Variants in LPIN1 observed in about 807,000 individuals in gnomAD.
The protein encoded by LPIN1 is lipin 1.
A neutral mutation model predicts 107.5 loss-of-function variants in LPIN1; 71 were observed. The ratio of observed to expected loss-of-function variants is 0.66; its 90% confidence interval spans 0.55 to 0.80. The LOEUF is 0.80. Ranked by LOEUF, LPIN1 falls within the 30% of genes least tolerant of loss-of-function variation. The pLI, the probability that LPIN1 is intolerant of heterozygous loss-of-function variation, is 0.00. For synonymous variants in LPIN1, 445 were observed against 452.6 expected (o/e 0.98, Z 0.21); for missense variants, 1,043 against 1,160.6 (o/e 0.90, Z 1.47).
chr2:11,804,964 G>A, intron 16 of LPIN1, 106 bp from the exon 17 acceptor site: 2 of 765,262 alleles, frequency 2.6e-6, no homozygotes, highest in Non-Finnish European at 2.2e-6. Flanking sequence ...CAGAAAGAAA[G>A]TTGTGGGTCT....
At chr2:11,794,671 G>C (rs1676358476) in intron 13 of LPIN1, among the ~76,000 whole-genome samples, 1 of 152,076 alleles carries the variant, frequency 6.6e-6, no homozygotes, top group African/African-American at 2.4e-5. Context: ...TTCACCCTCG[G>C]TCCCTTGGCA....
At chr2:11,806,049 C>T (rs1050777965) in intron 17 of LPIN1, among the ~76,000 whole-genome samples, 2 of 152,214 alleles carry the variant, frequency 1.3e-5, no homozygotes, top group African/African-American at 2.4e-5. Flanking sequence ...TGGAAGGTGC[C>T]TCTGCCTGAA....
Position 11,707,515 on chromosome 2 carries a change from T to TAAC in LPIN1, c.82-6239_82-6237dup, listed in dbSNP as rs1663184019. Reference sequence around the variant, plus strand: ...TTTTGAGCTGAGGAGTGGTGTGATCTAACATTCCAGAAGGTTCCTGTGGCT... The same window carrying TAAC: ...TTTTGAGCTGAGGAGTGGTGTGATCTAACAACATTCCAGAAGGTTCCTGTGGCT... On this transcript the variant is annotated intron_variant, in intron 1 of 21. Transcript: ENST00000449576. This position sits in a 1 kb window ranked among gnomAD's most constrained non-coding sequence, Gnocchi z 4.2. Among the ~76,000 whole-genome samples the TAAC allele has an allele frequency of 6.6e-6, 1 of 152,184 alleles. No homozygotes were observed. The highest frequency in any genetic ancestry group is 2.4e-5 in the African/African-American group (1 of 41,440).
intron 1 of LPIN1, among the ~76,000 whole-genome samples, chr2:11,738,683 G>T (rs566437226): frequency 4.2e-4 from 64 of 152,318 alleles, no homozygotes; most frequent in African/African-American, 1.5e-3. Context: ...CCAGGAGAGG[G>T]AGCCCAAACA....
At chr2:11,790,049 A>G (rs1454519938) in intron 12 of LPIN1, among the ~76,000 whole-genome samples, 1 of 151,974 alleles carries the variant, frequency 6.6e-6, no homozygotes, top group Non-Finnish European at 1.5e-5. Context: ...TAGGCCCTAT[A>G]TTTTCTTTTT....
intron 1 of LPIN1, among the ~76,000 whole-genome samples, chr2:11,680,692 G>C (rs1485599535): frequency 6.6e-6 from 1 of 152,232 alleles, no homozygotes; most frequent in Non-Finnish European, 1.5e-5. Context: ...AATGAGTACA[G>C]TGTGTTCCCC....
intron 2 of LPIN1, among the ~76,000 whole-genome samples, chr2:11,717,262 A>G (rs1253452276): frequency 6.6e-6 from 1 of 152,162 alleles, no homozygotes; most frequent in Non-Finnish European, 1.5e-5. Flanking sequence ...TTCACACCTG[A>G]TAGAGGAGGG....
At chr2:11,757,095 A>G (rs1668796257) in intron 1 of LPIN1, among the ~76,000 whole-genome samples, 1 of 152,178 alleles carries the variant, frequency 6.6e-6, no homozygotes, top group Non-Finnish European at 1.5e-5. Context: ...GGTAAATAAA[A>G]TCCCGTGAGG....
intron 13 of LPIN1, chr2:11,792,263 T>C (rs1031749039): frequency 2.0e-5 from 8 of 400,342 alleles, no homozygotes; most frequent in African/African-American, 1.6e-4. Flanking sequence ...CACTCCCTCA[T>C]GGTAAGATTT....
At chr2:11,706,270 A>G (rs1423392620) in intron 1 of LPIN1, among the ~76,000 whole-genome samples, 1 of 152,232 alleles carries the variant, frequency 6.6e-6, no homozygotes, top group Non-Finnish European at 1.5e-5. Context: ...AGGCGAGTGA[A>G]CTGCAGGGTG....
intron 1 of LPIN1, among the ~76,000 whole-genome samples, chr2:11,762,204 C>G (rs1369563949): frequency 6.6e-6 from 1 of 152,096 alleles, no homozygotes; most frequent in Non-Finnish European, 1.5e-5. Flanking sequence ...TCCGGAGTAG[C>G]CAGATGGAAG....
At position 11,785,076 on chromosome 2, in the gene LPIN1, G is replaced by C; in HGVS notation, c.1549G>C (p.Asp517His). 6.4e-7 allele frequency: 1 copy of C among 1,560,192 alleles called. No homozygotes were observed. The highest frequency in any genetic ancestry group is 8.6e-7 in the Non-Finnish European group (1 of 1,156,270). The change falls in exon 10 of 21, where the codon GAT becomes CAT. Residue 517 changes from aspartate to histidine, a missense_variant and splice_region_variant. Coordinates refer to ENST00000674199, the MANE Select transcript of LPIN1 (RefSeq NM_001349206.2). ...CAGCGACCACCGGGAGATCACGAAA[G>C]GTACCGCGGGCCTCGCGCGGGCGCC... is the stretch of plus-strand genomic sequence containing the variant. ...GLSDHREITK[D>H]AFLEQAVSYQ...
At chr2:11,787,931 A>G (rs1019616268) in intron 11 of LPIN1, among the ~76,000 whole-genome samples, 7 of 145,426 alleles carry the variant, frequency 4.8e-5, no homozygotes, top group African/African-American at 1.9e-4. Flanking sequence ...AAAGAGCAAG[A>G]CTCTGTCTCA....
intron 5 of LPIN1, among the ~76,000 whole-genome samples, chr2:11,775,453 A>G (rs1342863165): frequency 6.6e-6 from 1 of 152,258 alleles, no homozygotes; most frequent in Non-Finnish European, 1.5e-5. Flanking sequence ...TGCCTCATGA[A>G]TGCAGCATAA....
At chr2:11,785,198 C>G in intron 10 of LPIN1, 122 bp downstream of exon 10, 4 of 719,542 alleles carry the variant, frequency 5.6e-6, no homozygotes, top group Non-Finnish European at 4.5e-6. Context: ...AATGATAGCA[C>G]AGATGATAGC....
At chr2:11,823,469 T>C (rs1429709685) in intron 20 of LPIN1, among the ~76,000 whole-genome samples, 1 of 152,274 alleles carries the variant, frequency 6.6e-6, no homozygotes, top group Non-Finnish European at 1.5e-5. Flanking sequence ...TCCCATTTTG[T>C]GCAAGCACAC....
chr2:11,695,495 C>A (rs947696995), intron 1 of LPIN1, among the ~76,000 whole-genome samples: 2 of 152,104 alleles, frequency 1.3e-5, no homozygotes, highest in Non-Finnish European at 1.5e-5. Context: ...CTCAGCATGG[C>A]TGGAATGGAG....
At chr2:11,743,183 C>T (rs1292688668), upstream of LPIN1, among the ~76,000 whole-genome samples, 1 of 152,212 alleles carries the variant, frequency 6.6e-6, no homozygotes, top group Non-Finnish European at 1.5e-5. This position sits in a 1 kb window ranked among gnomAD's most constrained non-coding sequence, Gnocchi z 4.7. Flanking sequence ...AGCCTAGGGC[C>T]TCCAAGATGC....
chr2:11,758,070 G>A (rs568714171), intron 1 of LPIN1, among the ~76,000 whole-genome samples: 8 of 151,866 alleles, frequency 5.3e-5, no homozygotes, highest in Admixed American at 2.6e-4. Context: ...TGTCCTCAAG[G>A]TTCATCTACA....
Sources: gnomAD v4.1 joint callset for allele counts (sites outside exome capture counted in the v4.1 genomes callset) on GRCh38, gnomAD v4.1.1 for gene constraint, Gnocchi (gnomAD v3.1) non-coding constraint, MANE v1.5 for transcripts, NCBI Gene and HGNC (gene_info 2026-07-23, HGNC 2026-07-21) for gene names.